TYW1: variants seen among roughly 807,000 people sequenced by gnomAD.
The protein encoded by TYW1 is tRNA-yW synthesizing protein 1 homolog, also known as S-adenosyl-L-methionine-dependent tRNA 4-demethylwyosine synthase TYW1.
Under a neutral mutation model 96.2 loss-of-function variants are expected in TYW1, and 46 were observed. The observed-to-expected ratio is 0.48, with a 90% confidence interval of 0.38 to 0.61. TYW1 has a LOEUF of 0.61. Ranked by LOEUF, TYW1 falls within the 20% of genes least tolerant of loss-of-function variation. TYW1 has a pLI of 0.00. For synonymous variants in TYW1, 274 were observed against 323.0 expected (o/e 0.85, Z 1.63); for missense variants, 684 against 909.6 (o/e 0.75, Z 3.19).
At chr7:67,146,661 C>G (rs1181108327) in intron 13 of TYW1, among the ~76,000 whole-genome samples, 1 of 152,150 alleles carries the variant, frequency 6.6e-6, no homozygotes, top group Non-Finnish European at 1.5e-5. Context: ...TAACAATATT[C>G]AGAATTGGAC....
intron 15 of TYW1, among the ~76,000 whole-genome samples, chr7:67,223,360 A>G (rs1412581200): frequency 6.6e-6 from 1 of 151,818 alleles, no homozygotes; most frequent in African/African-American, 2.4e-5. Flanking sequence ...TTGTTTGATT[A>G]TTGAAGGCTG....
At chr7:67,085,601 T>C (rs1240066583) in intron 11 of TYW1, among the ~76,000 whole-genome samples, 1 of 152,198 alleles carries the variant, frequency 6.6e-6, no homozygotes, top group Admixed American at 6.6e-5. Context: ...CTCATACTTA[T>C]TTCTCATTTT....
intron 13 of TYW1, among the ~76,000 whole-genome samples, chr7:67,128,133 GTT>G (rs1797958944): frequency 6.6e-6 from 1 of 152,046 alleles, no homozygotes; most frequent in African/African-American, 2.4e-5. Flanking sequence ...TACTACTTTT[GTT>G]CTTTTCTCTC....
chr7:67,237,165 C>T (rs1002377124), intron 15 of TYW1, among the ~76,000 whole-genome samples: 2 of 150,366 alleles, frequency 1.3e-5, no homozygotes, highest in East Asian at 1.9e-4. Flanking sequence ...GGATGACAGG[C>T]GTGAGCCACC....
chr7:67,142,978 G>A (rs959967551), intron 13 of TYW1, among the ~76,000 whole-genome samples: 7 of 151,740 alleles, frequency 4.6e-5, no homozygotes, highest in Non-Finnish European at 1.0e-4. Flanking sequence ...TCTTGAACCC[G>A]GGGGGCGGAA....
At chr7:67,171,540 T>G (rs1444106061) in intron 13 of TYW1, among the ~76,000 whole-genome samples, 2 of 152,182 alleles carry the variant, frequency 1.3e-5, no homozygotes, top group African/African-American at 4.8e-5. Context: ...AAAGTTCTTT[T>G]GTCTTATATT....
intron 11 of TYW1, among the ~76,000 whole-genome samples, chr7:67,092,705 C>T (rs1289051810): frequency 5.7e-5 from 6 of 105,756 alleles, no homozygotes; most frequent in East Asian, 3.4e-4. Flanking sequence ...TTTTTTGAGA[C>T]GGAATCTCAC....
At chr7:67,126,696 A>G (rs1197273410) in intron 13 of TYW1, among the ~76,000 whole-genome samples, 2 of 151,980 alleles carry the variant, frequency 1.3e-5, no homozygotes, top group Non-Finnish European at 2.9e-5. Context: ...TTCTAGTTCC[A>G]GCACTATTTG....
intron 15 of TYW1, among the ~76,000 whole-genome samples, chr7:67,221,010 A>G (rs1801376955): frequency 6.6e-6 from 1 of 152,076 alleles, no homozygotes; most frequent in Admixed American, 6.5e-5. Context: ...TACAGGTGTG[A>G]GCCACCGCGC....
Position 67,043,540 on chromosome 7 carries a change from TC to T in TYW1, c.985-6408del, listed in dbSNP as rs539376813. On this transcript the variant is annotated intron_variant, in intron 7 of 15. Coordinates refer to ENST00000359626, the MANE Select transcript of TYW1 (RefSeq NM_018264.4). ...GCCAGCTATTTAAATTGCAGAAGGA[TC>T]TCAGTATGTCCAGTTCTGATTATAA... 2.1e-4 allele frequency among the ~76,000 whole-genome samples: 32 copies of T among 152,264 alleles called. No individual in the cohort carries two copies. The South Asian group carries it at 6.6e-3, about 32-fold the overall frequency.
intron 13 of TYW1, among the ~76,000 whole-genome samples, chr7:67,162,019 G>A (rs1270349295): frequency 6.6e-6 from 1 of 152,072 alleles, no homozygotes; most frequent in South Asian, 2.1e-4. Context: ...ATTCTGGACC[G>A]GGCGCAGTGG....
At chr7:67,068,492 G>A (rs1795939917) in intron 10 of TYW1, among the ~76,000 whole-genome samples, 1 of 152,178 alleles carries the variant, frequency 6.6e-6, no homozygotes. Context: ...CTCCAGTGAA[G>A]CATGCTAGGA....
chr7:67,008,842 A>G (rs1793691004), intron 3 of TYW1, among the ~76,000 whole-genome samples: 1 of 150,888 alleles, frequency 6.6e-6, no homozygotes, highest in Non-Finnish European at 1.5e-5. Context: ...TTGTATTTTT[A>G]GTAGAGACGG....
At chr7:67,061,347 C>A (rs1795688339) in intron 9 of TYW1, among the ~76,000 whole-genome samples, 2 of 152,174 alleles carry the variant, frequency 1.3e-5, no homozygotes, top group African/African-American at 4.8e-5. Flanking sequence ...ACGTAGATAA[C>A]AAGAACTTTA....
chr7:67,018,162 C>A lies in TYW1; in HGVS notation c.861+19C>A, dbSNP rs1794093782. On this transcript the variant is annotated intron_variant, in intron 6 of 15. Coordinates refer to ENST00000359626, the MANE Select transcript of TYW1 (RefSeq NM_018264.4). ...CACCGAGGTATACCGCCTGTGTGTT[C>A]ATCTCTCGAGGCTTTCCTCTTCTGC... is the stretch of plus-strand genomic sequence containing the variant. 1 of 1,603,996 alleles carries A rather than the reference C, an allele frequency of 6.2e-7. No homozygotes were observed. Among genetic ancestry groups the A allele is most frequent in the East Asian group, 2.2e-5 (1 of 44,654 alleles).
rs1241213574 is a variant in TYW1, at chr7:67,029,415, G to GTGTGTATA, written c.984+4394_984+4395insGTGTATAT. ...TGTGTGTGTGTGTGTGTGTGTGTGT[G>GTGTGTATA]TATATATATATATATATAAATAGTA... On this transcript the variant is annotated intron_variant, in intron 7 of 15. Transcript: ENST00000359626. Among the ~76,000 whole-genome samples, 158 of 94,344 alleles carry GTGTGTATA rather than the reference G, an allele frequency of 1.7e-3. 3 individuals carry two copies. The highest frequency in any genetic ancestry group is 6.6e-3 in the Middle Eastern group (1 of 152). 61.9% of individuals were successfully genotyped at this position (94,344 alleles called of 152,430 possible). A position where few individuals can be genotyped will look rare whatever the true frequency, so the allele number is the denominator to read the frequency against.
At chr7:67,128,030 A>G (rs13437766) in intron 13 of TYW1, among the ~76,000 whole-genome samples, 42,053 of 151,804 alleles carry the variant, frequency 0.28, 6,662 homozygotes, top group African/African-American at 0.44. Context: ...AGTTTTTCTG[A>G]CATTTATCCT....
At position 67,233,891 on chromosome 7, in the gene TYW1, A is replaced by C. The variant is rs1801809700; in HGVS notation, c.1978-4417A>C. ...TTCATTTCAGAATAACTTACTCTTA[A>C]GGACTGAATGTTTGTGGCCCCCCTC... On this transcript the variant is annotated intron_variant, in intron 15 of 15. Coordinates refer to ENST00000359626, the MANE Select transcript of TYW1 (RefSeq NM_018264.4). Among the ~76,000 whole-genome samples the C allele has an allele frequency of 1.5e-5, 2 of 135,856 alleles. 1 individual carries two copies. The highest frequency in any genetic ancestry group is 3.2e-5 in the Non-Finnish European group (2 of 63,078). The allele number at this position is 135,856 out of a possible 152,430, so 89.1% of individuals were successfully genotyped here.
At chr7:67,081,818 C>T (rs1343112578) in intron 10 of TYW1, among the ~76,000 whole-genome samples, 1 of 144,986 alleles carries the variant, frequency 6.9e-6, no homozygotes, top group Non-Finnish European at 1.5e-5. Flanking sequence ...CTTCTTCTTC[C>T]TTCCTTTTTT....
Sources: allele counts gnomAD v4.1 joint callset (sites outside exome capture counted in the v4.1 genomes callset), GRCh38; gene constraint gnomAD v4.1.1; transcripts MANE v1.5; gene names NCBI Gene and HGNC (gene_info 2026-07-23, HGNC 2026-07-21).